The following GLRA1 variants were observed in gnomAD, a reference collection of about 807,000 sequenced individuals.
The protein encoded by GLRA1 is glycine receptor alpha 1, also known as glycine receptor subunit alpha-1.
In GLRA1, 37 loss-of-function variants were observed where a neutral mutation model predicts 48.3. The observed-to-expected ratio is 0.77, with a 90% confidence interval of 0.59 to 1.01. The LOEUF is 1.01. Among genes scored for constraint, GLRA1 ranks in the 50% least tolerant of loss-of-function variants. The probability of loss-of-function intolerance (pLI) is 0.00; values close to 1 mark genes in which losing one functional copy is unlikely to be tolerated. For missense variants in GLRA1, 427 were observed against 571.0 expected (o/e 0.75, Z 2.57); for synonymous variants, 196 against 210.7 (o/e 0.93, Z 0.60).
At position 151,924,838 on chromosome 5, in the gene GLRA1, C is replaced by A; in HGVS notation, c.-289G>T. ...TGTTAAACTCCAGCGTGTCTGTTGG[C>A]TCCCTGCGGCGCTGGGGAGGCACGT... On this transcript the variant is annotated 5_prime_UTR_variant, in exon 1 of 9. Coordinates refer to ENST00000274576, the MANE Select transcript of GLRA1 (RefSeq NM_000171.4). The A allele has an allele frequency of 1.9e-6, 1 of 517,636 alleles. No individual in the cohort carries two copies. The highest frequency in any genetic ancestry group is 3.1e-5 in the Admixed American group (1 of 31,804). The allele number at this position is 517,636 out of a possible 1,614,324, so 32.1% of individuals were successfully genotyped here.
At chr5:151,824,189 G>C (rs1040631207) in intron 8 of GLRA1, among the ~76,000 whole-genome samples, 1 of 151,510 alleles carries the variant, frequency 6.6e-6, no homozygotes. Flanking sequence ...GTAGAGATGG[G>C]GGTCTCGCTA....
rs528678929 is a variant in GLRA1 at position 151,899,426 on chromosome 5, G to A, written c.57-6988C>T. ...AGCTTTCTCCTGCCCCATTGCCTGTGGGCTGGTCTTTTTCTAAATGAAAAA... is the reference window on the plus strand; with the variant it reads ...AGCTTTCTCCTGCCCCATTGCCTGTAGGCTGGTCTTTTTCTAAATGAAAAA... On this transcript the variant is annotated intron_variant, in intron 1 of 8. Transcript: ENST00000274576. 1.9e-3 allele frequency among the ~76,000 whole-genome samples: 291 copies of A among 152,286 alleles called. 1 individual carries two copies. The highest frequency in any genetic ancestry group is 6.8e-3 in the African/African-American group (283 of 41,560).
At position 151,918,006 on chromosome 5, in the gene GLRA1, A is replaced by T. The variant is rs566323570; in HGVS notation, c.56+6488T>A. ...AACTAATTTAGAGCAACGGACACTGAAAAACAGCCCAATTCAAAGGCAGAG... is the reference window on the plus strand; with the variant it reads ...AACTAATTTAGAGCAACGGACACTGTAAAACAGCCCAATTCAAAGGCAGAG... On this transcript the variant is annotated intron_variant, in intron 1 of 8. Transcript: ENST00000274576. Among the ~76,000 whole-genome samples the T allele has an allele frequency of 1.4e-4, 22 of 152,326 alleles. No individual in the cohort carries two copies. In the South Asian group the frequency reaches 4.6e-3, roughly 32 times the overall value.
chr5:151,914,958 C>A (rs577656418), intron 1 of GLRA1, among the ~76,000 whole-genome samples: 6 of 152,172 alleles, frequency 3.9e-5, no homozygotes, highest in Non-Finnish European at 5.9e-5. Flanking sequence ...CTGGTTCATT[C>A]TTAGAGTAAT....
intron 4 of GLRA1, among the ~76,000 whole-genome samples, chr5:151,858,214 G>A (rs1753099205): frequency 6.6e-6 from 1 of 152,166 alleles, no homozygotes. Flanking sequence ...TAAGCACAAG[G>A]TTGAAGCAAA....
chr5:151,833,617 C>T (rs911775947), intron 7 of GLRA1, among the ~76,000 whole-genome samples: 5 of 152,042 alleles, frequency 3.3e-5, no homozygotes, highest in Non-Finnish European at 5.9e-5. Flanking sequence ...GCATGCGCCA[C>T]CATGCTTGGC....
chr5:151,899,807 C>G (rs1379569895), intron 1 of GLRA1, among the ~76,000 whole-genome samples: 1 of 152,076 alleles, frequency 6.6e-6, no homozygotes, highest in Non-Finnish European at 1.5e-5. Context: ...GTTGGCATGC[C>G]CTGAGCCCAA....
chr5:151,829,164 C>T (rs1249774919), intron 7 of GLRA1, 97 bp from the exon 8 acceptor site: 2 of 1,166,826 alleles, frequency 1.7e-6, no homozygotes, highest in Admixed American at 1.8e-5. Context: ...TAATTCCCCA[C>T]ATCACCCACT....
intron 8 of GLRA1, among the ~76,000 whole-genome samples, chr5:151,823,756 A>G (rs1196663774): frequency 1.3e-5 from 2 of 151,732 alleles, no homozygotes; most frequent in Non-Finnish European, 2.9e-5. Context: ...AGGTTTGTAC[A>G]TTTTCTCTTG....
chr5:151,824,786 G>A (rs1043754524), intron 8 of GLRA1, among the ~76,000 whole-genome samples: 10 of 151,938 alleles, frequency 6.6e-5, no homozygotes, highest in African/African-American at 1.5e-4. Context: ...CTTGATTAGC[G>A]TCTGTCTCTT....
intron 8 of GLRA1, among the ~76,000 whole-genome samples, chr5:151,827,357 G>A (rs374814745): frequency 2.0e-5 from 3 of 151,954 alleles, no homozygotes; most frequent in African/African-American, 7.3e-5. Context: ...TTGGAACGTC[G>A]GCCTCCTCCC....
chr5:151,857,910 G>A (rs778502161), intron 4 of GLRA1, among the ~76,000 whole-genome samples: 1 of 152,226 alleles, frequency 6.6e-6, no homozygotes, highest in Non-Finnish European at 1.5e-5. Flanking sequence ...AACCCAGGGT[G>A]CAGAGAGGGA....
At chr5:151,865,719 C>G (rs1034968235) in intron 3 of GLRA1, among the ~76,000 whole-genome samples, 1 of 152,112 alleles carries the variant, frequency 6.6e-6, no homozygotes, top group African/African-American at 2.4e-5. Context: ...AAATCCATCT[C>G]TTTGTATTTC....
intron 2 of GLRA1, among the ~76,000 whole-genome samples, chr5:151,888,818 A>T (rs551515582): frequency 6.8e-4 from 103 of 152,266 alleles, no homozygotes; most frequent in African/African-American, 2.4e-3. Context: ...TGGGAAACTC[A>T]TTTTGTCTTA....
At chr5:151,855,265 G>A in intron 5 of GLRA1, 88 bp from the exon 6 acceptor site, 3 of 1,296,372 alleles carry the variant, frequency 2.3e-6, no homozygotes, top group South Asian at 1.2e-5. Context: ...GAGACTGAGA[G>A]AGACATCAGA....
chr5:151,908,143 A>G (rs1754522423), intron 1 of GLRA1, among the ~76,000 whole-genome samples: 1 of 152,176 alleles, frequency 6.6e-6, no homozygotes, highest in South Asian at 2.1e-4. Context: ...CCAGGTATCC[A>G]TTCAGGCCCC....
intron 2 of GLRA1, among the ~76,000 whole-genome samples, chr5:151,890,016 T>A (rs59580263): frequency 0.2 from 29,852 of 151,998 alleles, 3,652 homozygotes; most frequent in East Asian, 0.32. Flanking sequence ...CTTCTCAGAG[T>A]GGGAAGGTTG....
chr5:151,827,171 C>CT (rs59142874), intron 8 of GLRA1, among the ~76,000 whole-genome samples: 4,383 of 138,848 alleles, frequency 0.032, 174 homozygotes, highest in African/African-American at 0.097. Flanking sequence ...CTTAAATAGA[C>CT]TTTTTTTTTT....
At chr5:151,824,852 A>G (rs1355280796) in intron 8 of GLRA1, among the ~76,000 whole-genome samples, 1 of 150,282 alleles carries the variant, frequency 6.7e-6, no homozygotes, top group Non-Finnish European at 1.5e-5. Flanking sequence ...CTCAACACTG[A>G]ACATATGAAC....
Sources: gnomAD v4.1 joint callset for allele counts (sites outside exome capture counted in the v4.1 genomes callset) on GRCh38, gnomAD v4.1.1 for gene constraint, MANE v1.5 for transcripts, NCBI Gene and HGNC (gene_info 2026-07-23, HGNC 2026-07-21) for gene names.